DLG2: variants seen among roughly 807,000 people sequenced by gnomAD.
The protein encoded by DLG2 is disks large homolog 2.
Under a neutral mutation model 132.5 loss-of-function variants are expected in DLG2, and 45 were observed. The observed-to-expected ratio is 0.34, with a 90% confidence interval of 0.27 to 0.44. The LOEUF (loss-of-function observed/expected upper bound fraction) is 0.44, where lower values mean the gene tolerates loss of function less well. DLG2 is among the 20% of genes least tolerant of loss of function. The pLI is 1.00. For missense variants in DLG2, 1,045 were observed against 1,196.9 expected (o/e 0.87, Z 1.87); for synonymous variants, 424 against 419.6 (o/e 1.01, Z -0.13).
intron 6 of DLG2, among the ~76,000 whole-genome samples, chr11:84,984,993 T>G (rs2056291722): frequency 6.6e-6 from 1 of 152,174 alleles, no homozygotes; most frequent in Admixed American, 6.5e-5. Flanking sequence ...AAACAATTAC[T>G]CATAGATCAA....
At chr11:83,905,135 A>G (rs1234413201) in intron 15 of DLG2, among the ~76,000 whole-genome samples, 1 of 152,178 alleles carries the variant, frequency 6.6e-6, no homozygotes, top group African/African-American at 2.4e-5. Flanking sequence ...CTAATATTTA[A>G]TGAGTGGCAA....
intron 5 of DLG2, 151 bp downstream of exon 5, chr11:85,154,405 C>G (rs552085366): frequency 1.1e-5 from 5 of 466,776 alleles, no homozygotes; most frequent in East Asian, 1.0e-4. Flanking sequence ...AGCTCAGAAG[C>G]CTGAGAACCC....
intron 5 of DLG2, among the ~76,000 whole-genome samples, chr11:85,139,461 TAAAC>T (rs2076323955): frequency 6.6e-6 from 1 of 152,106 alleles, no homozygotes; most frequent in Non-Finnish European, 1.5e-5. Flanking sequence ...AACATACACA[TAAAC>T]AATAGTTTTT....
At chr11:85,556,356 T>A (rs1309642463) in intron 3 of DLG2, among the ~76,000 whole-genome samples, 1 of 151,910 alleles carries the variant, frequency 6.6e-6, no homozygotes, top group Non-Finnish European at 1.5e-5. Context: ...TGAAAGCCAC[T>A]AGAATTAATT....
chr11:84,120,856 T>C (rs2093877443), intron 9 of DLG2, among the ~76,000 whole-genome samples: 1 of 152,216 alleles, frequency 6.6e-6, no homozygotes. Context: ...TTATATTATG[T>C]ATGTATTCTT....
At chr11:84,152,045 A>G (rs1175620938) in intron 9 of DLG2, among the ~76,000 whole-genome samples, 1 of 152,202 alleles carries the variant, frequency 6.6e-6, no homozygotes, top group Non-Finnish European at 1.5e-5. Flanking sequence ...AATATTATGT[A>G]GATGTTTATT....
intron 6 of DLG2, among the ~76,000 whole-genome samples, chr11:84,609,994 C>T (rs1297062094): frequency 1.3e-5 from 2 of 152,042 alleles, no homozygotes; most frequent in African/African-American, 4.8e-5. Flanking sequence ...AACAATTCCA[C>T]ATTTATAAAT....
intron 19 of DLG2, among the ~76,000 whole-genome samples, chr11:83,562,177 G>T (rs1242298717): frequency 2.6e-5 from 4 of 152,026 alleles, no homozygotes; most frequent in African/African-American, 9.7e-5. Flanking sequence ...GTGAGCCACC[G>T]TGCCTGGCCT....
At chr11:85,427,250 C>T (rs1259502362) in intron 3 of DLG2, among the ~76,000 whole-genome samples, 1 of 152,258 alleles carries the variant, frequency 6.6e-6, no homozygotes, top group South Asian at 2.1e-4. Flanking sequence ...GGCAGGCCAA[C>T]ATTCAAATTC....
At chr11:83,801,125 C>A (rs1293498153) in intron 17 of DLG2, among the ~76,000 whole-genome samples, 3 of 152,094 alleles carry the variant, frequency 2.0e-5, no homozygotes, top group African/African-American at 7.2e-5. Context: ...GAATCAAGAA[C>A]CTCCATTCAT....
intron 8 of DLG2, among the ~76,000 whole-genome samples, chr11:84,213,839 A>G (rs992487376): frequency 2.2e-5 from 3 of 135,796 alleles, no homozygotes; most frequent in African/African-American, 1.0e-4. Flanking sequence ...AAAAAAAAGA[A>G]AAAAAAAAAG....
At chr11:84,713,326 A>G (rs942026505) in intron 6 of DLG2, among the ~76,000 whole-genome samples, 1 of 152,126 alleles carries the variant, frequency 6.6e-6, no homozygotes, top group Admixed American at 6.5e-5. Context: ...ACACTGGGGT[A>G]ACCAGGGTAA....
intron 19 of DLG2, among the ~76,000 whole-genome samples, chr11:83,604,560 A>G (rs1454281211): frequency 6.6e-6 from 1 of 152,194 alleles, no homozygotes; most frequent in Non-Finnish European, 1.5e-5. Flanking sequence ...ATACGATACT[A>G]TAATAATGGA....
intron 6 of DLG2, among the ~76,000 whole-genome samples, chr11:84,586,736 C>G (rs1291229272): frequency 6.6e-6 from 1 of 150,794 alleles, no homozygotes; most frequent in Non-Finnish European, 1.5e-5. Flanking sequence ...CATTTTATTC[C>G]TCTACTAATT....
chr11:83,602,636 A>T (rs572015573), intron 19 of DLG2, among the ~76,000 whole-genome samples: 1 of 152,374 alleles, frequency 6.6e-6, no homozygotes, highest in South Asian at 2.1e-4. Context: ...GCCATGTTTC[A>T]GTCTTAGAAC....
chr11:84,014,490 T>A (rs1315995172), intron 11 of DLG2, among the ~76,000 whole-genome samples: 2 of 152,174 alleles, frequency 1.3e-5, no homozygotes, highest in Non-Finnish European at 2.9e-5. Flanking sequence ...GTTTAAAGAA[T>A]CTTCTCTGTA....
At chr11:85,110,817 A>G (rs942163293) in intron 6 of DLG2, among the ~76,000 whole-genome samples, 1 of 152,122 alleles carries the variant, frequency 6.6e-6, no homozygotes, top group African/African-American at 2.4e-5. Flanking sequence ...TCCACATATT[A>G]CTTTTCCATT....
intron 3 of DLG2, among the ~76,000 whole-genome samples, chr11:85,509,481 G>A (rs2094008451): frequency 6.6e-6 from 1 of 152,002 alleles, no homozygotes; most frequent in South Asian, 2.1e-4. Flanking sequence ...CAACCAGGAC[G>A]GTGGAGGGCT....
intron 18 of DLG2, among the ~76,000 whole-genome samples, chr11:83,763,527 C>T (rs1403366528): frequency 6.6e-6 from 1 of 152,136 alleles, no homozygotes; most frequent in Non-Finnish European, 1.5e-5. Flanking sequence ...ATAGAAAAAC[C>T]CACAGCCAAT....
Sources: allele counts gnomAD v4.1 joint callset (sites outside exome capture counted in the v4.1 genomes callset), GRCh38; gene constraint gnomAD v4.1.1; transcripts MANE v1.5; gene names NCBI Gene and HGNC (gene_info 2026-07-23, HGNC 2026-07-21).